The following CPD variants were observed in gnomAD, a reference collection of about 807,000 sequenced individuals.
CPD encodes metallocarboxypeptidase D.
Under a neutral mutation model 138.3 loss-of-function variants are expected in CPD, and 69 were observed. The ratio of observed to expected loss-of-function variants is 0.50; its 90% CI spans 0.41 to 0.61. The LOEUF (loss-of-function observed/expected upper bound fraction) is 0.61. Among genes scored for constraint, CPD ranks in the 20% least tolerant of loss-of-function variants. CPD has a pLI of 0.00. For synonymous variants in CPD, 651 were observed against 642.1 expected (o/e 1.01, Z -0.21); for missense variants, 1,432 against 1,733.3 (o/e 0.83, Z 3.09).
chr17:30,385,769 A>T (rs1464995989), intron 2 of CPD, among the ~76,000 whole-genome samples: 2 of 150,814 alleles, frequency 1.3e-5, no homozygotes, highest in African/African-American at 4.9e-5. Context: ...TTTTATCCAG[A>T]TCTAGTATCC....
chr17:30,443,922 T>C lies in CPD; in HGVS notation c.2494T>C (p.Trp832Arg). Residue 832 changes from tryptophan (W) to arginine (R), a missense_variant, in exon 11 of 21, where the codon TGG becomes CGG. Transcript: ENST00000225719. ...PVTTYKTGDY[W>R]RLLVPGTYKI... is the part of the protein sequence containing the mutation. ...GACTACTTACAAAACTGGAGATTAC[T>C]GGCGTCTCTTGGTTCCAGGAACTTA... The C allele has an allele frequency of 3.7e-6, 6 of 1,613,986 alleles. No individual in the cohort carries two copies. The highest frequency in any genetic ancestry group is 5.1e-6 in the Non-Finnish European group (6 of 1,179,886).
intron 12 of CPD, among the ~76,000 whole-genome samples, chr17:30,448,990 A>G (rs1913098555): frequency 6.6e-6 from 1 of 152,020 alleles, no homozygotes; most frequent in East Asian, 1.9e-4. Flanking sequence ...AACCTGTAGT[A>G]CTACTCCCTT....
In CPD at chr17:30,423,706, T is replaced by C; in HGVS notation, c.1849+9T>C. 4 of 1,518,336 alleles carry C rather than the reference T, an allele frequency of 2.6e-6. No individual in the cohort carries two copies. Among genetic ancestry groups the C allele is most frequent in the South Asian group, 2.5e-5 (2 of 78,990 alleles). The allele number at this position is 1,518,336 out of a possible 1,614,324, so 94.1% of individuals were successfully genotyped here. On this transcript the variant is annotated intron_variant, in intron 6 of 20. Transcript: ENST00000225719. ...TGAAAAGTCCCAGGAAGGTAAAGAA[T>C]AGCATTTAATTCTTAATCATTTGAT... is the stretch of plus-strand genomic sequence containing the variant.
chr17:30,385,147 T>C lies in CPD; in HGVS notation c.905T>C (p.Met302Thr), dbSNP rs2143302561. The change falls in exon 2 of 21, where the codon ATG becomes ACG. Residue 302 changes from methionine to threonine, a missense_variant. Physicochemically the swap from Met to Thr is moderately conservative, Grantham distance 81. This residue lies in a region of CPD where 484 missense variants were observed against 477.2 expected (regional missense o/e 1.01). Transcript: ENST00000225719. ...AKAYASNHPI[M>T]KTGEPHCPGD... The stretch of plus-strand genomic sequence containing the variant: ...GCTTATGCTTCAAACCACCCCATAA[T>C]GAAAACTGGTGAGCCTCATTGTCCA... The C allele has an allele frequency of 6.2e-7, 1 of 1,614,058 alleles. No homozygotes were observed. Among genetic ancestry groups the C allele is most frequent in the South Asian group, 1.1e-5 (1 of 91,086 alleles).
intron 12 of CPD, among the ~76,000 whole-genome samples, chr17:30,448,966 G>A (rs1318755106): frequency 1.3e-5 from 2 of 151,912 alleles, no homozygotes; most frequent in Non-Finnish European, 2.9e-5. Context: ...AAATTAGCTA[G>A]GCATGGTGGT....
At position 30,379,717 on chromosome 17, in the gene CPD, G is replaced by T. The variant is rs762197393; in HGVS notation, c.737G>T (p.Arg246Leu). Residue 246 changes from arginine (R) to leucine (L), a missense_variant, in exon 1 of 21, where the codon CGC (arginine) becomes CTC (leucine). This residue lies in a region of CPD where 484 missense variants were observed against 477.2 expected (regional missense o/e 1.01). Transcript: ENST00000225719. The surrounding 1 kb of genome is among the most constrained non-coding windows in gnomAD (Gnocchi z 7.0). The stretch of plus-strand genomic sequence containing the variant: ...GTGCGCGCCCTCATCGAGTGGATCC[G>T]CAGGAACAAGTGAGTGTTGCCTGCC... ...PEVRALIEWI[R>L]RNKFVLSGNL... The T allele has an allele frequency of 2.0e-6, 3 of 1,491,910 alleles. No homozygotes were observed. The highest frequency in any genetic ancestry group is 2.6e-6 in the Non-Finnish European group (3 of 1,139,142). The allele number at this position is 1,491,910 out of a possible 1,614,324, so 92.4% of individuals were successfully genotyped here. A position where few individuals can be genotyped will look rare whatever the true frequency, so the allele number is the denominator to read the frequency against.
At position 30,442,436 on chromosome 17, in the gene CPD, C is replaced by T. The variant is rs943248961; in HGVS notation, c.2359C>T (p.Gln787Ter). 1 of 1,613,064 alleles carries T rather than the reference C, an allele frequency of 6.2e-7. No individual in the cohort carries two copies. Among genetic ancestry groups the T allele is most frequent in the Non-Finnish European group, 8.5e-7 (1 of 1,179,362 alleles). Residue 787 changes from glutamine to a stop codon, truncating the protein, a stop_gained, in exon 10 of 21, where the codon CAG becomes TAG. Coordinates refer to ENST00000225719, the MANE Select transcript of CPD (RefSeq NM_001304.5). LOFTEE classifies it high-confidence loss of function. The stretch of plus-strand genomic sequence containing the variant: ...GGAACAGAATCGAAGATCACTAATC[C>T]AGTTTATGAAACAGGTGACTATTCA... The part of the protein sequence containing the change: ...FWEQNRRSLI[Q>*]FMKQVHQGVR...
Position 30,442,443 on chromosome 17 carries a change from T to C in CPD, c.2366T>C (p.Met789Thr). 1 of 1,613,112 alleles carries C rather than the reference T, an allele frequency of 6.2e-7. No homozygotes were observed. Among genetic ancestry groups the C allele is most frequent in the South Asian group, 1.1e-5 (1 of 91,024 alleles). The change falls in exon 10 of 21, where the codon ATG (methionine) becomes ACG (threonine). Residue 789 changes from methionine (M) to threonine (T), a missense_variant. Around this residue, in one of 6 missense-constraint regions of CPD, gnomAD observed 297 missense variants for 405.3 expected, o/e 0.73. Coordinates refer to ENST00000225719, the MANE Select transcript of CPD (RefSeq NM_001304.5). ...AATCGAAGATCACTAATCCAGTTTA[T>C]GAAACAGGTGACTATTCAGGAGTGA... The part of the protein sequence containing the change: ...EQNRRSLIQF[M>T]KQVHQGVRGF...
chr17:30,394,717 A>G (rs558759547), intron 2 of CPD, among the ~76,000 whole-genome samples: 22 of 152,338 alleles, frequency 1.4e-4, no homozygotes, highest in African/African-American at 5.3e-4. Flanking sequence ...AGATACATAT[A>G]TAAGAAGTTA....
intron 12 of CPD, among the ~76,000 whole-genome samples, chr17:30,448,901 T>A (rs2143482922): frequency 6.6e-6 from 1 of 152,116 alleles, no homozygotes; most frequent in South Asian, 2.1e-4. Context: ...CAGAAGCGCT[T>A]GAAACCAGCC....
intron 2 of CPD, among the ~76,000 whole-genome samples, chr17:30,409,884 C>G (rs576742186): frequency 6.6e-6 from 1 of 152,122 alleles, no homozygotes; most frequent in African/African-American, 2.4e-5. Flanking sequence ...TTAGTTATTT[C>G]TTGCCTTCTG....
At chr17:30,437,323 C>A (rs564694087) in intron 8 of CPD, among the ~76,000 whole-genome samples, 2 of 151,906 alleles carry the variant, frequency 1.3e-5, no homozygotes, top group African/African-American at 4.8e-5. Flanking sequence ...TTTTGAAAAC[C>A]TAAAGAAGAC....
intron 2 of CPD, among the ~76,000 whole-genome samples, chr17:30,415,907 C>T (rs1912093577): frequency 6.6e-6 from 1 of 152,130 alleles, no homozygotes; most frequent in Non-Finnish European, 1.5e-5. Flanking sequence ...TGCATGATTT[C>T]ACTTATATGA....
rs564694087 is a variant in CPD at position 30,437,323 on chromosome 17, C to T, written c.2128-1652C>T. On this transcript the variant is annotated intron_variant, in intron 8 of 20. Coordinates refer to ENST00000225719, the MANE Select transcript of CPD (RefSeq NM_001304.5). ...TCTCAATAAAGTGGATTTTGAAAAC[C>T]TAAAGAAGACTGAGGGGTGGAGGAT... Among the ~76,000 whole-genome samples, 3 of 152,024 alleles carry T rather than the reference C, an allele frequency of 2.0e-5. No individual in the cohort carries two copies. In the South Asian group the frequency reaches 6.2e-4, roughly 32 times the overall value.
chr17:30,426,907 G>C (rs890911091), intron 6 of CPD, among the ~76,000 whole-genome samples: 1 of 152,114 alleles, frequency 6.6e-6, no homozygotes, highest in Non-Finnish European at 1.5e-5. Context: ...CTGGCTGGGC[G>C]TGGTGGCTCA....
At position 30,423,494 on chromosome 17, in the gene CPD, T is replaced by C. The variant is rs1445086634; in HGVS notation, c.1658-12T>C. On this transcript the variant is annotated splice_polypyrimidine_tract_variant and intron_variant, in intron 5 of 20. Coordinates refer to ENST00000225719, the MANE Select transcript of CPD (RefSeq NM_001304.5). ...GGAAAAAAAGCCTTCCATGTAATTA[T>C]TTTGTTTTCAGGTGAACCAGAATTT... The C allele has an allele frequency of 6.7e-7, 1 of 1,499,482 alleles. No homozygotes were observed. Among genetic ancestry groups the C allele is most frequent in the African/African-American group, 1.4e-5 (1 of 70,140 alleles). 92.9% of individuals were successfully genotyped at this position (1,499,482 alleles called of 1,614,324 possible). A position where few individuals can be genotyped will look rare whatever the true frequency, so the allele number is the denominator to read the frequency against.
chr17:30,381,490 T>C (rs1425306667), intron 1 of CPD, among the ~76,000 whole-genome samples: 1 of 152,238 alleles, frequency 6.6e-6, no homozygotes, highest in Non-Finnish European at 1.5e-5. Flanking sequence ...TAATCATATC[T>C]GTTCTTCAAA....
At chr17:30,451,965 G>GTC in intron 14 of CPD, 119 bp downstream of exon 14, 1 of 935,832 alleles carries the variant, frequency 1.1e-6, no homozygotes, top group Non-Finnish European at 1.5e-6. Flanking sequence ...GGTTATGAAT[G>GTC]TGAGGTATAA....
At chr17:30,423,875 G>A (rs1912333854) in intron 6 of CPD, among the ~76,000 whole-genome samples, 178 bp downstream of exon 6, 1 of 152,002 alleles carries the variant, frequency 6.6e-6, no homozygotes, top group Non-Finnish European at 1.5e-5. Flanking sequence ...CAACAATTAG[G>A]TGATCAAATT....
Sources: gnomAD v4.1 joint callset for allele counts (sites outside exome capture counted in the v4.1 genomes callset) on GRCh38, gnomAD v4.1.1 for gene constraint, gnomAD v4.1.1 regional missense constraint, Gnocchi (gnomAD v3.1) non-coding constraint, MANE v1.5 for transcripts, NCBI Gene and HGNC (gene_info 2026-07-23, HGNC 2026-07-21) for gene names.